RAB5B: variants seen among roughly 807,000 people sequenced by gnomAD.
RAB5B encodes RAB5B, member RAS oncogene family.
RAB5B carries 11 observed loss-of-function variants against 28.6 expected under a neutral mutation model. The observed-to-expected ratio is 0.38, with a 90% confidence interval of 0.24 to 0.64. The LOEUF (loss-of-function observed/expected upper bound fraction) is 0.64. RAB5B is among the 30% of genes least tolerant of loss of function. The probability of loss-of-function intolerance (pLI) is 0.53; values close to 1 mark genes in which losing one functional copy is unlikely to be tolerated. For synonymous variants in RAB5B, 93 were observed against 97.9 expected (o/e 0.95, Z 0.29); for missense variants, 169 against 265.6 (o/e 0.64, Z 2.53).
At chr12:55,991,285 T>A in intron 4 of RAB5B, 75 bp from the exon 5 acceptor site, 1 of 1,148,794 alleles carries the variant, frequency 8.7e-7, no homozygotes, top group Admixed American at 1.7e-5. Flanking sequence ...CTAGCTGTTG[T>A]GCTGCATGGG....
intron 1 of RAB5B, among the ~76,000 whole-genome samples, chr12:55,985,046 A>G (rs1889915879): frequency 1.3e-5 from 2 of 152,188 alleles, no homozygotes; most frequent in Admixed American, 1.3e-4. Context: ...GCATTATCTC[A>G]TTTAATCCTT....
At chr12:55,985,314 G>A (rs1200995179) in intron 1 of RAB5B, among the ~76,000 whole-genome samples, 1 of 152,074 alleles carries the variant, frequency 6.6e-6, no homozygotes, top group Non-Finnish European at 1.5e-5. Context: ...CACTAATTGT[G>A]GTGACAAAAT....
chr12:55,988,247 G>A lies in RAB5B; in HGVS notation c.163+1124G>A, dbSNP rs138975844. ...CTTGGGAAGCTGAGGCAGGAGACTC[G>A]CTTGAACTCATGAGGCGGAGGTTGC... On this transcript the variant is annotated intron_variant, in intron 2 of 5. Transcript: ENST00000360299. 2.7e-4 allele frequency among the ~76,000 whole-genome samples: 41 copies of A among 152,174 alleles called. 1 individual carries two copies. In the East Asian group the frequency reaches 7.3e-3, roughly 27 times the overall value.
chr12:55,974,807 A>G (rs1889601000), intron 1 of RAB5B, among the ~76,000 whole-genome samples: 1 of 151,872 alleles, frequency 6.6e-6, no homozygotes, highest in Admixed American at 6.6e-5. Flanking sequence ...GGAATGCTGA[A>G]GGGTGGGCTG....
chr12:55,990,561 A>G, intron 3 of RAB5B, 121 bp from the exon 4 acceptor site: 1 of 1,239,514 alleles, frequency 8.1e-7, no homozygotes, highest in Non-Finnish European at 1.1e-6. Flanking sequence ...ATTATCAGAG[A>G]CCTGTGGTTT....
intron 1 of RAB5B, among the ~76,000 whole-genome samples, chr12:55,979,748 T>C (rs1434535070): frequency 6.6e-6 from 1 of 152,176 alleles, no homozygotes; most frequent in African/African-American, 2.4e-5. Context: ...AAGCAAGTAC[T>C]TACCTAAACT....
rs1287471683 is a variant in RAB5B at position 55,992,386 on chromosome 12, C to A, written c.*174C>A. Reference sequence around the variant, plus strand: ...TTTTTAACGCTTCAGCAACAAACACCAGGCAGCTGTTGCCACTGGCCTCCT... The same window carrying A: ...TTTTTAACGCTTCAGCAACAAACACAAGGCAGCTGTTGCCACTGGCCTCCT... On this transcript the variant is annotated 3_prime_UTR_variant, in exon 6 of 6. Coordinates refer to ENST00000360299, the MANE Select transcript of RAB5B (RefSeq NM_002868.4). The A allele has an allele frequency of 1.4e-6, 1 of 694,984 alleles. No individual in the cohort carries two copies. Among genetic ancestry groups the A allele is most frequent in the Non-Finnish European group, 2.6e-6 (1 of 388,340 alleles). 43.1% of individuals were successfully genotyped at this position (694,984 alleles called of 1,614,324 possible). A position where few individuals can be genotyped will look rare whatever the true frequency, so the allele number is the denominator to read the frequency against.
rs1050530414 is a variant in RAB5B at position 55,995,108 on chromosome 12, T to G, written c.*2896T>G. 2.0e-5 allele frequency: 3 copies of G among 152,084 alleles called. No individual in the cohort carries two copies. The highest frequency in any genetic ancestry group is 7.2e-5 in the African/African-American group (3 of 41,398). 9.4% of individuals were successfully genotyped at this position (152,084 alleles called of 1,614,324 possible). A position where few individuals can be genotyped will look rare whatever the true frequency, so the allele number is the denominator to read the frequency against. ...TATGTGCATATTTCTTTTTTTTTTT[T>G]TAATTGAGACGGAGTCTCTGTCGCT... On this transcript the variant is annotated 3_prime_UTR_variant, in exon 6 of 6. Transcript: ENST00000360299.
At chr12:55,975,368 T>C (rs1889616581) in intron 1 of RAB5B, among the ~76,000 whole-genome samples, 1 of 152,180 alleles carries the variant, frequency 6.6e-6, no homozygotes, top group African/African-American at 2.4e-5. Flanking sequence ...GCATCACCCC[T>C]TGTTCTTTGT....
chr12:55,988,833 AT>A (rs1237761249), intron 2 of RAB5B, among the ~76,000 whole-genome samples: 1 of 151,296 alleles, frequency 6.6e-6, no homozygotes, highest in Non-Finnish European at 1.5e-5. Flanking sequence ...CATCTTGGAA[AT>A]GTATTCCTGG....
chr12:55,991,237 A>C (rs561895249), intron 4 of RAB5B, 123 bp from the exon 5 acceptor site: 5 of 681,404 alleles, frequency 7.3e-6, no homozygotes, highest in Non-Finnish European at 1.0e-5. Flanking sequence ...GCTGGCTCAA[A>C]GGGGTATTAA....
intron 3 of RAB5B, 170 bp downstream of exon 3, chr12:55,990,268 C>T (rs562145500): frequency 5.3e-5 from 36 of 681,052 alleles, no homozygotes; most frequent in South Asian, 2.9e-4. Context: ...ATTAGTTGGG[C>T]GTGGTGGTGC....
chr12:55,987,166 G>GTT (rs34223637), intron 2 of RAB5B, 43 bp downstream of exon 2: 600 of 1,265,540 alleles, frequency 4.7e-4, no homozygotes, highest in Non-Finnish European at 5.2e-4. Flanking sequence ...TTTGGTAAGG[G>GTT]TTTTTTTTTT....
At chr12:55,980,154 C>T (rs907826911) in intron 1 of RAB5B, among the ~76,000 whole-genome samples, 1 of 152,062 alleles carries the variant, frequency 6.6e-6, no homozygotes, top group Non-Finnish European at 1.5e-5. Flanking sequence ...AGGTCTGAAG[C>T]CTGAGGCATC....
Position 55,996,003 on chromosome 12 carries a change from A to ATATATATATATATATATAT in RAB5B, c.*3792_*3793insATATATATATATATATATT. 1.0e-5 allele frequency: 1 copy of ATATATATATATATATATAT among 97,434 alleles called. No homozygotes were observed. The highest frequency in any genetic ancestry group is 2.0e-5 in the Non-Finnish European group (1 of 50,494). The allele number at this position is 97,434 out of a possible 1,614,324, so 6.0% of individuals were successfully genotyped here. On this transcript the variant is annotated 3_prime_UTR_variant, in exon 6 of 6. Coordinates refer to ENST00000360299, the MANE Select transcript of RAB5B (RefSeq NM_002868.4). ...TATATACATATATATATATATATATATTTTTTTTTTAACAACTGGTAGGAT... is the reference window on the plus strand; with the variant it reads ...TATATACATATATATATATATATATATATATATATATATATATATTTTTTTTTTTAACAACTGGTAGGAT...
intron 1 of RAB5B, among the ~76,000 whole-genome samples, chr12:55,986,308 G>A (rs1352907553): frequency 2.0e-5 from 3 of 152,154 alleles, no homozygotes; most frequent in East Asian, 1.9e-4. Context: ...TTAGCCAGGC[G>A]TGGTGGTGCA....
rs573678500 is a variant in RAB5B at position 55,981,123 on chromosome 12, G to C, written c.-92-5746G>C. 11 of 1,148,128 alleles carry C rather than the reference G, an allele frequency of 9.6e-6. No homozygotes were observed. The South Asian group carries it at 1.4e-4, about 14-fold the overall frequency. 71.1% of individuals were successfully genotyped at this position (1,148,128 alleles called of 1,614,324 possible). A position where few individuals can be genotyped will look rare whatever the true frequency, so the allele number is the denominator to read the frequency against. ...CTGTTGTCCAGGCTGGAGTGCAGTC[G>C]TGTGATCTCGGCTCACTGCTACCTC... On this transcript the variant is annotated intron_variant, in intron 1 of 5. Transcript: ENST00000360299.
In RAB5B at chr12:55,996,003, A is replaced by ATATATATATTT; in HGVS notation, c.*3792_*3793insATATATATTTT. ...TATATACATATATATATATATATAT[A>ATATATATATTT]TTTTTTTTTTAACAACTGGTAGGAT... is the stretch of plus-strand genomic sequence containing the variant. On this transcript the variant is annotated 3_prime_UTR_variant, in exon 6 of 6. Coordinates refer to ENST00000360299, the MANE Select transcript of RAB5B (RefSeq NM_002868.4). 5.1e-5 allele frequency: 5 copies of ATATATATATTT among 97,434 alleles called. No homozygotes were observed. The highest frequency in any genetic ancestry group is 2.3e-4 in the East Asian group (1 of 4,364). The allele number at this position is 97,434 out of a possible 1,614,324, so 6.0% of individuals were successfully genotyped here. A position where few individuals can be genotyped will look rare whatever the true frequency, so the allele number is the denominator to read the frequency against.
At chr12:55,976,914 G>T (rs1051559126) in intron 1 of RAB5B, among the ~76,000 whole-genome samples, 2 of 152,116 alleles carry the variant, frequency 1.3e-5, no homozygotes, top group African/African-American at 4.8e-5. Context: ...GGAAACCTCG[G>T]TTTTTTCCCC....
Sources: gnomAD v4.1 joint callset for allele counts (sites outside exome capture counted in the v4.1 genomes callset) on GRCh38, gnomAD v4.1.1 for gene constraint, MANE v1.5 for transcripts, NCBI Gene and HGNC (gene_info 2026-07-23, HGNC 2026-07-21) for gene names.